TTN: variants seen among roughly 807,000 people sequenced by gnomAD.
The protein encoded by TTN is connectin.
TTN carries 1,525 observed loss-of-function variants against 3,223.0 expected under a neutral mutation model. The observed-to-expected ratio is 0.47, with a 90% confidence interval of 0.45 to 0.49. TTN has a LOEUF of 0.49. Among genes scored for constraint, TTN ranks in the 20% least tolerant of loss-of-function variants. The pLI, the probability that TTN is intolerant of heterozygous loss-of-function variation, is 0.00. For synonymous variants in TTN, 14,094 were observed against 15,161.0 expected (o/e 0.93, Z 5.17); for missense variants, 40,786 against 43,424.0 (o/e 0.94, Z 5.40).
In TTN at chr2:178,733,029, A is replaced by T. The variant is rs758960111; in HGVS notation, c.16147T>A (p.Ser5383Thr). Residue 5383 changes from serine (S) to threonine (T), a missense_variant, in exon 55 of 363, where the codon TCC (serine) becomes ACC (threonine). Coordinates refer to ENST00000589042, the MANE Select transcript of TTN (RefSeq NM_001267550.2). ...TCRLDCKIAG[S>T]LPMRVSWFKD... ...AACCAGGACACCCTCATGGGGAGGG[A>T]GCCTGCAATTTTGCAGTCCAGTCTG... 4 of 1,613,352 alleles carry T rather than the reference A, an allele frequency of 2.5e-6. No individual in the cohort carries two copies. The African/African-American group carries it at 5.3e-5, about 22-fold the overall frequency.
At position 178,554,168 on chromosome 2, in the gene TTN, T is replaced by A; in HGVS notation, c.88943A>T (p.Asn29648Ile). The change falls in exon 333 of 363, where the codon AAT (asparagine) becomes ATT (isoleucine). Residue 29648 changes from asparagine (N) to isoleucine (I), a missense_variant. Asn to Ile is a moderately radical substitution (Grantham distance 149). Coordinates refer to ENST00000589042, the MANE Select transcript of TTN (RefSeq NM_001267550.2). ...CCTGCTCCATACAACAGTCATCGAA[T>A]TCTTGGTAATCTTTGTCACTTCTGG... ...GIPEVTKITK[N>I]SMTVVWSRPI... 1 of 1,610,134 alleles carries A rather than the reference T, an allele frequency of 6.2e-7. No individual in the cohort carries two copies. Among genetic ancestry groups the A allele is most frequent in the Non-Finnish European group, 8.5e-7 (1 of 1,178,626 alleles).
At chr2:178,791,921 C>T (rs1315982516) in intron 10 of TTN, 151 bp downstream of exon 10, 10 of 769,522 alleles carry the variant, frequency 1.3e-5, no homozygotes, top group Non-Finnish European at 8.0e-6. Flanking sequence ...AATTTCCATC[C>T]TGAGTTTCAA....
chr2:178,617,662 A>G lies in TTN; in HGVS notation c.47572+117T>C. ...AGTCTGGGTTTCTAAAACTTTATCC[A>G]AATTTTTATGATATTCTACCTTTTT... On this transcript the variant is annotated intron_variant, in intron 253 of 362. Transcript: ENST00000589042. The G allele has an allele frequency of 2.7e-6, 4 of 1,461,462 alleles. No individual in the cohort carries two copies. In the South Asian group the frequency reaches 3.9e-5, roughly 14 times the overall value. 90.5% of individuals were successfully genotyped at this position (1,461,462 alleles called of 1,614,324 possible). A position where few individuals can be genotyped will look rare whatever the true frequency, so the allele number is the denominator to read the frequency against.
chr2:178,654,161 G>C, intron 193 of TTN, 47 bp downstream of exon 193: 1 of 1,588,350 alleles, frequency 6.3e-7, no homozygotes, highest in Non-Finnish European at 8.5e-7. Context: ...TGATTGTGAG[G>C]GGTACAGACA....
In TTN at chr2:178,678,116, T is replaced by C; in HGVS notation, c.33994+9A>G. ...TCTTTTACCATGGCTCTGTTACAGA[T>C]TAATGTACCTTTGGGTGGTGGTGCT... On this transcript the variant is annotated intron_variant, in intron 145 of 362. Coordinates refer to ENST00000589042, the MANE Select transcript of TTN (RefSeq NM_001267550.2). 6.2e-7 allele frequency: 1 copy of C among 1,607,512 alleles called. No individual in the cohort carries two copies. The highest frequency in any genetic ancestry group is 2.2e-5 in the East Asian group (1 of 44,810).
In TTN at chr2:178,575,942, A is replaced by C. The variant is rs1409813527; in HGVS notation, c.70190T>G (p.Phe23397Cys). The part of the protein sequence containing the change: ...NRANIENTES[F>C]TLLIIPECNR... ...ACATTCTGGGATAATCAGAAGAGTA[A>C]ATGATTCCGTATTTTCAATGTTGGC... The change falls in exon 326 of 363, where the codon TTT becomes TGT. Residue 23397 changes from phenylalanine (F) to cysteine (C), a missense_variant. Physicochemically the swap from Phe to Cys is radical, Grantham distance 205. Coordinates refer to ENST00000589042, the MANE Select transcript of TTN (RefSeq NM_001267550.2). The surrounding 1 kb of genome is among the most constrained non-coding windows in gnomAD (Gnocchi z 4.0). 6.8e-6 allele frequency: 11 copies of C among 1,612,322 alleles called. No homozygotes were observed. The highest frequency in any genetic ancestry group is 9.3e-6 in the Non-Finnish European group (11 of 1,178,564).
At position 178,705,214 on chromosome 2, in the gene TTN, T is replaced by C. The variant is rs794727011; in HGVS notation, c.29564A>G (p.Glu9855Gly). The change falls in exon 103 of 363, where the codon GAA becomes GGA. Residue 9855 changes from glutamate (E) to glycine (G), a missense_variant. Transcript: ENST00000589042. ...TTCTTCTTGGCTTTGCTTGAGCAGT[T>C]CAAATGCTTGAAGAAGACCTCGGAA... ...TDFRGLLQAF[E>G]LLKQSQEEET... The C allele has an allele frequency of 5.0e-6, 8 of 1,613,652 alleles. No individual in the cohort carries two copies. Among genetic ancestry groups the C allele is most frequent in the Non-Finnish European group, 5.1e-6 (6 of 1,179,752 alleles).
chr2:178,588,105 A>T lies in TTN; in HGVS notation c.63302T>A (p.Val21101Glu). The change falls in exon 305 of 363, where the codon GTG becomes GAG. Residue 21101 changes from valine (V) to glutamate (E), a missense_variant. By Grantham distance (121) the Val-to-Glu change is moderately radical. Coordinates refer to ENST00000589042, the MANE Select transcript of TTN (RefSeq NM_001267550.2). Reference sequence around the variant, plus strand: ...ATCTGCTATTTTTGGTCTCATTTCCACAACATATCCAATGATCGGTGCACC... The same window carrying T: ...ATCTGCTATTTTTGGTCTCATTTCCTCAACATATCCAATGATCGGTGCACC... ...DGGAPIIGYVVEMRPKIADAS... is the reference protein window; with the variant it reads ...DGGAPIIGYVEEMRPKIADAS... 1 of 1,612,850 alleles carries T rather than the reference A, an allele frequency of 6.2e-7. No homozygotes were observed. Among genetic ancestry groups the T allele is most frequent in the Non-Finnish European group, 8.5e-7 (1 of 1,179,274 alleles).
Position 178,573,867 on chromosome 2 carries a change from T to A in TTN, c.72265A>T (p.Asn24089Tyr), listed in dbSNP as rs1709123437. The A allele has an allele frequency of 1.2e-6, 2 of 1,611,040 alleles. No individual in the cohort carries two copies. Among genetic ancestry groups the A allele is most frequent in the African/African-American group, 2.7e-5 (2 of 74,814 alleles). ...KIADFSTNLVNKDSTRRDSGA... is the reference protein window; with the variant it reads ...KIADFSTNLVYKDSTRRDSGA... Reference sequence around the variant, plus strand: ...CTATCCCTTCTTGTTGAATCTTTGTTTACCAGATTAGTAGAGAAATCTGCA... The same window carrying A: ...CTATCCCTTCTTGTTGAATCTTTGTATACCAGATTAGTAGAGAAATCTGCA... Residue 24089 changes from asparagine (N) to tyrosine (Y), a missense_variant, in exon 326 of 363, where the codon AAC becomes TAC. Transcript: ENST00000589042.
chr2:178,757,907 T>G lies in TTN; in HGVS notation c.10313A>C (p.Lys3438Thr), dbSNP rs911847280. Residue 3438 changes from lysine to threonine, a missense_variant, in exon 45 of 363, where the codon AAA becomes ACA. Physicochemically the swap from Lys to Thr is moderately conservative, Grantham distance 78 (BLOSUM62 -1). Coordinates refer to ENST00000589042, the MANE Select transcript of TTN (RefSeq NM_001267550.2). ...GGAGTTTGATGTATTTTCTTCAAATTTGCTAAATCCTGAAAAGAAGCATAC... is the reference window on the plus strand; with the variant it reads ...GGAGTTTGATGTATTTTCTTCAAATGTGCTAAATCCTGAAAAGAAGCATAC... ...TANLSLEGFS[K>T]FEENTSNSQW... 2 of 1,518,700 alleles carry G rather than the reference T, an allele frequency of 1.3e-6. No homozygotes were observed. Among genetic ancestry groups the G allele is most frequent in the African/African-American group, 2.8e-5 (2 of 71,702 alleles). The allele number at this position is 1,518,700 out of a possible 1,614,324, so 94.1% of individuals were successfully genotyped here.
At position 178,604,304 on chromosome 2, in the gene TTN, A is replaced by C. The variant is rs765843072; in HGVS notation, c.54383T>G (p.Ile18128Ser). The C allele has an allele frequency of 9.0e-6, 13 of 1,442,970 alleles. No individual in the cohort carries two copies. In the South Asian group the frequency reaches 2.3e-4, roughly 26 times the overall value. 89.4% of individuals were successfully genotyped at this position (1,442,970 alleles called of 1,614,324 possible). A position where few individuals can be genotyped will look rare whatever the true frequency, so the allele number is the denominator to read the frequency against. Residue 18128 changes from isoleucine (I) to serine (S), a missense_variant and splice_region_variant, in exon 282 of 363, where the codon ATC becomes AGC. Transcript: ENST00000589042. ...TNTAVEKRYG[I>S]WKLIPNGQYE... ...CTGACCATTGGGGATAAGTTTCCAG[A>C]TCTAGAAATTAGAAAAACAGAAATT... is the stretch of plus-strand genomic sequence containing the variant.
In TTN at chr2:178,539,774, T is replaced by C. The variant is rs755276825; in HGVS notation, c.98291A>G (p.Glu32764Gly). ...AGTGCCAGAATCACCCCTGTCTGCT[T>C]CTTTGATCACAAGCTCAGTGTGTGT... The part of the protein sequence containing the change: ...SETHTELVIK[E>G]ADRGDSGTYD... The change falls in exon 352 of 363, where the codon GAA becomes GGA. Residue 32764 changes from glutamate (E) to glycine (G), a missense_variant. By Grantham distance (98) the Glu-to-Gly change is moderately conservative. Transcript: ENST00000589042. 1.9e-6 allele frequency: 3 copies of C among 1,613,740 alleles called. No individual in the cohort carries two copies. In the East Asian group the frequency reaches 6.7e-5, roughly 36 times the overall value.
chr2:178,791,230 T>G (rs2093473025), intron 10 of TTN, among the ~76,000 whole-genome samples: 1 of 152,220 alleles, frequency 6.6e-6, no homozygotes, highest in Non-Finnish European at 1.5e-5. Context: ...GGGTTCTTGC[T>G]GCTTTCAAAA....
chr2:178,544,684 T>C (rs1696213947), intron 344 of TTN, among the ~76,000 whole-genome samples, 178 bp from the exon 345 acceptor site: 1 of 152,230 alleles, frequency 6.6e-6, no homozygotes, highest in Non-Finnish European at 1.5e-5. Flanking sequence ...CATTATAATT[T>C]AATATTATTA....
intron 356 of TTN, 45 bp downstream of exon 356, chr2:178,536,893 A>T: frequency 6.7e-7 from 1 of 1,488,300 alleles, no homozygotes; most frequent in South Asian, 1.4e-5. Flanking sequence ...TTATGCAAAG[A>T]TGGAACTTTA....
In TTN at chr2:178,575,074, C is replaced by T. The variant is rs375183437; in HGVS notation, c.71058G>A (p.Ala23686=). The change falls in exon 326 of 363, where the codon GCG becomes GCA. Residue 23686 remains alanine (A), a synonymous_variant. Transcript: ENST00000589042. This position sits in a 1 kb window ranked among gnomAD's most constrained non-coding sequence, Gnocchi z 4.0. ...CATTGATATTTAAAATGGTTGAAGT[C>T]GCTGTGGTTTCAAAATTAACTCTCT... The part of the protein sequence containing the change: ...QTQRVNFETT[A]TSTILNINEC... 8.3e-5 allele frequency: 134 copies of T among 1,613,264 alleles called. No homozygotes were observed. Among genetic ancestry groups the T allele is most frequent in the Non-Finnish European group, 9.7e-5 (114 of 1,179,586 alleles).
chr2:178,530,245 C>CCAT lies in TTN; in HGVS notation c.106367_106369dup (p.Asp35456dup), dbSNP rs771149351. Reference sequence around the variant, plus strand: ...AGACATTTAAGAACTGGTTACCTTTCCATCTTTTGTCCAGATGGCAGTTGG... The same window carrying CCAT: ...AGACATTTAAGAACTGGTTACCTTTCCATCATCTTTTGTCCAGATGGCAGTTGG... On this transcript the variant is annotated inframe_insertion, in exon 358 of 363. Coordinates refer to ENST00000589042, the MANE Select transcript of TTN (RefSeq NM_001267550.2). The CCAT allele has an allele frequency of 4.4e-6, 7 of 1,593,624 alleles. No individual in the cohort carries two copies. In the Admixed American group the frequency reaches 1.1e-4, roughly 24 times the overall value.
At position 178,739,271 on chromosome 2, in the gene TTN, T is replaced by C. The variant is rs2082063789; in HGVS notation, c.13962A>G (p.Gln4654=). ...TGACTAGCGTATATGTATTTTGATCTTGTAAACACTTGAACTTTTCATCTG... is the reference window on the plus strand; with the variant it reads ...TGACTAGCGTATATGTATTTTGATCCTGTAAACACTTGAACTTTTCATCTG... ...VPSDEKFKCL[Q]DQNTYTLVID... is the part of the protein sequence containing the mutation. The change falls in exon 48 of 363, where the codon CAA becomes CAG. Residue 4654 remains glutamine, a synonymous_variant. Coordinates refer to ENST00000589042, the MANE Select transcript of TTN (RefSeq NM_001267550.2). 6.2e-7 allele frequency: 1 copy of C among 1,611,364 alleles called. No individual in the cohort carries two copies. The highest frequency in any genetic ancestry group is 8.5e-7 in the Non-Finnish European group (1 of 1,177,998).
In TTN at chr2:178,589,365, A is replaced by G. The variant is rs762932429; in HGVS notation, c.62360T>C (p.Ile20787Thr). ...GVLTVKAGDTIRLEAGVRGKP... is the reference protein window; with the variant it reads ...GVLTVKAGDTTRLEAGVRGKP... ...GCCTCTAACCCCTGCCTCAAGCCTA[A>G]TGGTGTCCCCTGCTTTGACAGTTAG... Residue 20787 changes from isoleucine (I) to threonine (T), a missense_variant, in exon 304 of 363, where the codon ATT (isoleucine) becomes ACT (threonine). By Grantham distance (89) the Ile-to-Thr change is moderately conservative (BLOSUM62 -1). Coordinates refer to ENST00000589042, the MANE Select transcript of TTN (RefSeq NM_001267550.2). 1.4e-5 allele frequency: 22 copies of G among 1,613,312 alleles called. No individual in the cohort carries two copies. The highest frequency in any genetic ancestry group is 1.6e-5 in the Non-Finnish European group (19 of 1,179,638).
Sources: gnomAD v4.1 joint callset for allele counts (sites outside exome capture counted in the v4.1 genomes callset) on GRCh38, gnomAD v4.1.1 for gene constraint, Gnocchi (gnomAD v3.1) non-coding constraint, MANE v1.5 for transcripts, NCBI Gene and HGNC (gene_info 2026-07-23, HGNC 2026-07-21) for gene names.